Variants in DHX15 observed in about 807,000 individuals in gnomAD.
DHX15 encodes DEAH-box helicase 15.
A neutral mutation model predicts 94.4 loss-of-function variants in DHX15; 11 were observed. That is an observed-to-expected ratio of 0.12 (90% confidence interval 0.07 to 0.19). The LOEUF (loss-of-function observed/expected upper bound fraction) is 0.19. DHX15 is among the 10% of genes least tolerant of loss of function. DHX15 has a pLI of 1.00. For synonymous variants in DHX15, 338 were observed against 329.9 expected, an observed-to-expected ratio of 1.02 and a Z score of -0.27; for missense variants, 304 against 988.5, an observed-to-expected ratio of 0.31 and a Z score of 9.29.
intron 5 of DHX15, among the ~76,000 whole-genome samples, chr4:24,552,140 C>T (rs1721623141): frequency 6.6e-6 from 1 of 152,154 alleles, no homozygotes; most frequent in Admixed American, 6.5e-5. Context: ...CAAAACTTAT[C>T]TGCATTCATC....
In DHX15 at chr4:24,528,873, T is replaced by C. The variant is rs1034043165; in HGVS notation, c.2270+728A>G. The stretch of plus-strand genomic sequence containing the variant: ...TAAATAATAAATAGTTGAGGGCTAA[T>C]TGTAATGGGACAAAAAAAATGTTAA... On this transcript the variant is annotated intron_variant, in intron 13 of 13. Coordinates refer to ENST00000336812, the MANE Select transcript of DHX15 (RefSeq NM_001358.3). Among the ~76,000 whole-genome samples, 13 of 151,894 alleles carry C rather than the reference T, an allele frequency of 8.6e-5. No individual in the cohort carries two copies. In the East Asian group the frequency reaches 1.3e-3, roughly 16 times the overall value.
chr4:24,582,006 T>C (rs1378963813), intron 1 of DHX15, among the ~76,000 whole-genome samples: 2 of 152,258 alleles, frequency 1.3e-5, no homozygotes, highest in Non-Finnish European at 1.5e-5. Flanking sequence ...AGAAACCCTA[T>C]CTGGCAGTGG....
rs1188510467 is a variant in DHX15 at position 24,542,923 on chromosome 4, A to T, written c.1335+17T>A. 1.1e-5 allele frequency: 18 copies of T among 1,587,240 alleles called. 1 individual carries two copies. In the Admixed American group the frequency reaches 3.0e-4, roughly 27 times the overall value. On this transcript the variant is annotated intron_variant, in intron 7 of 13. Coordinates refer to ENST00000336812, the MANE Select transcript of DHX15 (RefSeq NM_001358.3). Reference sequence around the variant, plus strand: ...TTAAACCAACTCTAATTTATAAAGTATCCACTAAATATGTACCTTCTGTTT... The same window carrying T: ...TTAAACCAACTCTAATTTATAAAGTTTCCACTAAATATGTACCTTCTGTTT...
chr4:24,542,055 T>C (rs767639876), intron 7 of DHX15, 33 bp from the exon 8 acceptor site: 16 of 1,544,814 alleles, frequency 1.0e-5, no homozygotes, highest in Non-Finnish European at 1.1e-5. Flanking sequence ...AGAGTCTTTC[T>C]TCAGTCAAAC....
chr4:24,542,047 A>C, intron 7 of DHX15, 25 bp from the exon 8 acceptor site: 1 of 1,562,108 alleles, frequency 6.4e-7, no homozygotes, highest in South Asian at 1.2e-5. Context: ...ATAACACAAG[A>C]GTCTTTCTTC....
chr4:24,547,937 A>ATATCTATATC (rs1560765932), intron 6 of DHX15, among the ~76,000 whole-genome samples: 30 of 34,010 alleles, frequency 8.8e-4, no homozygotes, highest in African/African-American at 3.0e-3. Flanking sequence ...ATATATATAT[A>ATATCTATATC]TATATCTATA....
chr4:24,541,544 A>C lies in DHX15; in HGVS notation c.1485+329T>G, dbSNP rs568585794. On this transcript the variant is annotated intron_variant, in intron 8 of 13. Transcript: ENST00000336812. ...AGAAAAAAAGTTGAAACCTAGTAAC[A>C]AAAGAGCAAAAAAATCACATCTAAA... Among the ~76,000 whole-genome samples the C allele has an allele frequency of 2.6e-5, 4 of 152,256 alleles. No individual in the cohort carries two copies. The South Asian group carries it at 8.3e-4, about 32-fold the overall frequency.
intron 6 of DHX15, among the ~76,000 whole-genome samples, chr4:24,545,098 G>A (rs1274426902): frequency 6.6e-6 from 1 of 152,134 alleles, no homozygotes; most frequent in Non-Finnish European, 1.5e-5. Context: ...GCAACAGACT[G>A]AGACCCTATC....
intron 5 of DHX15, among the ~76,000 whole-genome samples, chr4:24,551,593 A>T (rs951633827): frequency 1.5e-4 from 23 of 152,220 alleles, no homozygotes; most frequent in African/African-American, 4.8e-5. Context: ...GATGCTATTC[A>T]TCTAAATAAA....
chr4:24,532,513 T>A (rs1721105745), intron 12 of DHX15, among the ~76,000 whole-genome samples: 1 of 152,228 alleles, frequency 6.6e-6, no homozygotes, highest in Non-Finnish European at 1.5e-5. Flanking sequence ...GAAACTTTAA[T>A]GCACTGATCA....
At position 24,578,988 on chromosome 4, in the gene DHX15, A is replaced by C. The variant is rs149159980; in HGVS notation, c.72-2310T>G. 8.5e-3 allele frequency among the ~76,000 whole-genome samples: 1,291 copies of C among 152,332 alleles called. 23 individuals carry two copies. The highest frequency in any genetic ancestry group is 0.029 in the African/African-American group (1,195 of 41,564). ...ATTATATATTGCCTTAGTTTGTTAA[A>C]GTAATACCTATACTAACAAAGATTT... On this transcript the variant is annotated intron_variant, in intron 1 of 13. Transcript: ENST00000336812.
chr4:24,528,586 C>T (rs1340799712), intron 13 of DHX15, among the ~76,000 whole-genome samples: 2 of 152,024 alleles, frequency 1.3e-5, no homozygotes, highest in African/African-American at 4.8e-5. Flanking sequence ...GTCCCAAATC[C>T]GTATAAGAAA....
chr4:24,547,950 T>TATATATAC (rs1560766069), intron 6 of DHX15, among the ~76,000 whole-genome samples: 19 of 12,190 alleles, frequency 1.6e-3, no homozygotes, highest in African/African-American at 8.3e-3. Flanking sequence ...TATCTATATC[T>TATATATAC]ATATCTATAT....
chr4:24,557,259 T>A (rs1211857892), intron 3 of DHX15, among the ~76,000 whole-genome samples: 2 of 152,146 alleles, frequency 1.3e-5, no homozygotes, highest in African/African-American at 2.4e-5. Flanking sequence ...AAAACAACTA[T>A]CTTCCTTTTG....
At chr4:24,575,223 T>C (rs1388600160) in intron 2 of DHX15, among the ~76,000 whole-genome samples, 1 of 152,046 alleles carries the variant, frequency 6.6e-6, no homozygotes, top group Admixed American at 6.6e-5. Context: ...AAGCTTCCTA[T>C]TTTGGTTGCT....
intron 12 of DHX15, 103 bp from the exon 13 acceptor site, chr4:24,529,873 A>C: frequency 8.7e-7 from 1 of 1,150,244 alleles, no homozygotes; most frequent in African/African-American, 1.5e-5. Context: ...TTTACTTTTC[A>C]TTCTATGGCT....
chr4:24,584,122 G>T, intron 1 of DHX15: 1 of 586,064 alleles, frequency 1.7e-6, no homozygotes, highest in Non-Finnish European at 3.0e-6. Context: ...CTGGGCAGCG[G>T]CCCCGTCGCA....
At chr4:24,543,119 GA>G (rs1190879875) in intron 6 of DHX15, 93 bp from the exon 7 acceptor site, 1 of 767,602 alleles carries the variant, frequency 1.3e-6, no homozygotes, top group African/African-American at 1.8e-5. Context: ...CTGACACAAG[GA>G]ATTTCAAGCC....
rs1459921228 is a variant in DHX15 at position 24,542,979 on chromosome 4, A to G, written c.1296T>C (p.Gly432=). The part of the protein sequence containing the change: ...NIAETSLTID[G]VVFVIDPGFA... ...ATCCAGGATCAATCACAAACACCAC[A>G]CCATCTATTGTCAAAGACGTCTCTG... Residue 432 remains glycine, a synonymous_variant, in exon 7 of 14, where the codon GGT becomes GGC. Transcript: ENST00000336812. 9 of 1,612,846 alleles carry G rather than the reference A, an allele frequency of 5.6e-6. No homozygotes were observed. Among genetic ancestry groups the G allele is most frequent in the Non-Finnish European group, 7.6e-6 (9 of 1,179,182 alleles).
Sources: gnomAD v4.1 joint callset for allele counts (sites outside exome capture counted in the v4.1 genomes callset) on GRCh38, gnomAD v4.1.1 for gene constraint, MANE v1.5 for transcripts, NCBI Gene and HGNC (gene_info 2026-07-23, HGNC 2026-07-21) for gene names.